The following ATF7IP variants were observed in gnomAD, a reference collection of about 807,000 sequenced individuals.
ATF7IP encodes the protein activating transcription factor 7 interacting protein, also known as activating transcription factor 7-interacting protein 1.
In ATF7IP, 23 loss-of-function variants were observed where a neutral mutation model predicts 106.4. That is an observed-to-expected ratio of 0.22 (90% confidence interval 0.16 to 0.31). The LOEUF is 0.31. Ranked by LOEUF, ATF7IP falls within the 10% of genes least tolerant of loss-of-function variation. The pLI, the probability that ATF7IP is intolerant of heterozygous loss-of-function variation, is 1.00. For missense variants in ATF7IP, 1,334 were observed against 1,524.3 expected, an observed-to-expected ratio of 0.88 and a Z score of 2.08; for synonymous variants, 542 against 539.0, an observed-to-expected ratio of 1.01 and a Z score of -0.08.
intron 11 of ATF7IP, among the ~76,000 whole-genome samples, chr12:14,476,601 C>T (rs1427420523): frequency 2.0e-5 from 3 of 151,902 alleles, no homozygotes; most frequent in Non-Finnish European, 4.4e-5. Context: ...AACTTGTTAG[C>T]CTTAGAGAAA....
At chr12:14,493,751 C>G (rs989336263) in intron 13 of ATF7IP, among the ~76,000 whole-genome samples, 1 of 152,102 alleles carries the variant, frequency 6.6e-6, no homozygotes, top group African/African-American at 2.4e-5. Flanking sequence ...TCTTTCATTG[C>G]AGGTCAGACA....
intron 1 of ATF7IP, among the ~76,000 whole-genome samples, chr12:14,396,497 C>T (rs1250224830): frequency 6.6e-6 from 1 of 151,324 alleles, no homozygotes; most frequent in African/African-American, 2.4e-5. Flanking sequence ...GTGTATGTTT[C>T]ATCTCAGTAA....
intron 13 of ATF7IP, among the ~76,000 whole-genome samples, chr12:14,485,324 T>A (rs567840111): frequency 3.7e-4 from 56 of 152,036 alleles, no homozygotes; most frequent in Non-Finnish European, 6.6e-4. Flanking sequence ...TGTGCCTCTT[T>A]CTTGGTTGTA....
chr12:14,419,811 G>A (rs551878943), intron 1 of ATF7IP, among the ~76,000 whole-genome samples: 6 of 152,026 alleles, frequency 3.9e-5, no homozygotes, highest in African/African-American at 1.4e-4. Flanking sequence ...TTTGTATTAA[G>A]GTTTCTGTTT....
intron 1 of ATF7IP, among the ~76,000 whole-genome samples, chr12:14,376,681 C>A (rs778861231): frequency 2.2e-4 from 34 of 152,194 alleles, no homozygotes; most frequent in Non-Finnish European, 3.8e-4. Context: ...CCACATTTGT[C>A]AGTATTCCTG....
At chr12:14,493,890 G>A (rs1944910797) in intron 13 of ATF7IP, among the ~76,000 whole-genome samples, 1 of 152,102 alleles carries the variant, frequency 6.6e-6, no homozygotes, top group African/African-American at 2.4e-5. Context: ...CTGAGAGACA[G>A]AATCCTTGAG....
intron 1 of ATF7IP, among the ~76,000 whole-genome samples, chr12:14,390,500 A>G (rs987462889): frequency 1.3e-5 from 2 of 152,246 alleles, no homozygotes; most frequent in African/African-American, 4.8e-5. Flanking sequence ...GCTGTGTTAA[A>G]GGACATCACT....
rs181834943 is a variant in ATF7IP, at chr12:14,425,640, G to A, written c.1558+167G>A. ...TTCATAGAATTCAGAATTAGTGTGT[G>A]TACTCTGTGAGTAGCATTGTACTAA... On this transcript the variant is annotated intron_variant, in intron 2 of 14. Transcript: ENST00000261168. 2.7e-3 allele frequency among the ~76,000 whole-genome samples: 415 copies of A among 152,226 alleles called. 2 individuals are homozygous for A. The highest frequency in any genetic ancestry group is 3.0e-3 in the Non-Finnish European group (205 of 68,012).
intron 5 of ATF7IP, among the ~76,000 whole-genome samples, chr12:14,439,362 GA>G (rs1033679046): frequency 1.3e-5 from 2 of 152,156 alleles, no homozygotes; most frequent in Admixed American, 1.3e-4. Flanking sequence ...AGCTAAATAG[GA>G]TTAGAATTTA....
chr12:14,407,946 C>G (rs1245337886), intron 1 of ATF7IP, among the ~76,000 whole-genome samples: 1 of 151,836 alleles, frequency 6.6e-6, no homozygotes, highest in Non-Finnish European at 1.5e-5. Context: ...AGTTTTTTAA[C>G]CAACAAATCT....
At chr12:14,388,336 C>T (rs1452827993) in intron 1 of ATF7IP, among the ~76,000 whole-genome samples, 1 of 151,778 alleles carries the variant, frequency 6.6e-6, no homozygotes, top group Non-Finnish European at 1.5e-5. Flanking sequence ...AGGCGTGAGC[C>T]ACTGTGCCCT....
At chr12:14,456,365 G>A (rs1943424189) in intron 6 of ATF7IP, among the ~76,000 whole-genome samples, 196 bp from the exon 7 acceptor site, 1 of 152,200 alleles carries the variant, frequency 6.6e-6, no homozygotes, top group Admixed American at 6.5e-5. Flanking sequence ...CTTCAGCAAA[G>A]TAAATGATTT....
intron 10 of ATF7IP, among the ~76,000 whole-genome samples, chr12:14,475,460 C>T (rs140433387): frequency 2.0e-5 from 3 of 152,206 alleles, no homozygotes; most frequent in Admixed American, 2.0e-4. Flanking sequence ...TCATAGTATA[C>T]CATACCATTT....
intron 9 of ATF7IP, among the ~76,000 whole-genome samples, chr12:14,462,639 TTC>T (rs1289474788): frequency 6.6e-6 from 1 of 152,044 alleles, no homozygotes; most frequent in Non-Finnish European, 1.5e-5. Context: ...CATTATTCTG[TTC>T]TCTTACAATT....
At chr12:14,389,657 C>T (rs898751252) in intron 1 of ATF7IP, among the ~76,000 whole-genome samples, 10 of 152,012 alleles carry the variant, frequency 6.6e-5, no homozygotes, top group South Asian at 4.1e-4. Flanking sequence ...GACGGAGTTT[C>T]GCTCTTGTTG....
chr12:14,490,417 C>T (rs1007590321), intron 13 of ATF7IP, among the ~76,000 whole-genome samples: 13 of 152,156 alleles, frequency 8.5e-5, no homozygotes, highest in African/African-American at 2.7e-4. Context: ...CCTGACCATC[C>T]AACCAAACCA....
In ATF7IP at chr12:14,488,308, A is replaced by G. The variant is rs140712116; in HGVS notation, c.3280+7123A>G. ...TATTAACACGATCACAAGATCCCAC[A>G]ATAGTCTATCTGCAAGCTTAGGAGC... On this transcript the variant is annotated intron_variant, in intron 13 of 14. Coordinates refer to ENST00000261168, the MANE Select transcript of ATF7IP (RefSeq NM_018179.5). Among the ~76,000 whole-genome samples the G allele has an allele frequency of 9.5e-4, 145 of 152,280 alleles. 3 individuals carry two copies. In the East Asian group the frequency reaches 0.018, roughly 19 times the overall value.
At chr12:14,417,645 A>G (rs12099784) in intron 1 of ATF7IP, among the ~76,000 whole-genome samples, 2,360 of 152,290 alleles carry the variant, frequency 0.015, 24 homozygotes, top group Non-Finnish European at 0.019. Context: ...ATATTAATGT[A>G]TATTTCTTGA....
chr12:14,475,827 C>T (rs1214604366), intron 10 of ATF7IP, 63 bp from the exon 11 acceptor site: 1 of 1,357,378 alleles, frequency 7.4e-7, no homozygotes, highest in African/African-American at 1.5e-5. Flanking sequence ...CTTATCATCT[C>T]ATTTTTTAAC....
Sources: allele counts gnomAD v4.1 joint callset (sites outside exome capture counted in the v4.1 genomes callset), GRCh38; gene constraint gnomAD v4.1.1; transcripts MANE v1.5; gene names NCBI Gene and HGNC (gene_info 2026-07-23, HGNC 2026-07-21).